Variants in ANKRD33B observed in about 807,000 individuals in gnomAD.
ANKRD33B encodes the protein ankyrin repeat domain 33B.
A neutral mutation model predicts 21.5 loss-of-function variants in ANKRD33B; 6 were observed. The observed-to-expected ratio is 0.28, with a 90% CI of 0.15 to 0.55. The LOEUF is 0.55. ANKRD33B is among the 20% of genes least tolerant of loss of function. ANKRD33B has a pLI of 0.94. For synonymous variants in ANKRD33B, 347 were observed against 342.4 expected (o/e 1.01, Z -0.15); for missense variants, 698 against 747.2 (o/e 0.93, Z 0.77).
chr5:10,611,358 T>C lies in ANKRD33B; in HGVS notation c.367-6975T>C, dbSNP rs148539689. 1.1e-4 allele frequency among the ~76,000 whole-genome samples: 17 copies of C among 152,338 alleles called. No homozygotes were observed. The East Asian group carries it at 3.3e-3, about 29-fold the overall frequency. ...GACTTTTTCTCATAATAAACTCTGA[T>C]ACACACATACCAAAGGGCACTTGGA... On this transcript the variant is annotated intron_variant, in intron 1 of 3. Coordinates refer to ENST00000296657, the MANE Select transcript of ANKRD33B (RefSeq NM_001164440.2).
In ANKRD33B at chr5:10,564,616, G is replaced by A. The variant is rs1735004022; in HGVS notation, c.149G>A (p.Arg50His). ...FEDFSSLPDT[R>H]SIASDDSFYP... ...GACTTCTCGAGTCTGCCAGACACCC[G>A]CAGCATCGCCTCGGACGACTCTTTC... is the stretch of plus-strand genomic sequence containing the variant. The change falls in exon 1 of 4, where the codon CGC becomes CAC. Residue 50 changes from arginine (R) to histidine (H), a missense_variant. Arg to His is a conservative substitution (Grantham distance 29, BLOSUM62 0). Coordinates refer to ENST00000296657, the MANE Select transcript of ANKRD33B (RefSeq NM_001164440.2). 2.6e-6 allele frequency: 4 copies of A among 1,534,986 alleles called. No individual in the cohort carries two copies. The highest frequency in any genetic ancestry group is 2.6e-6 in the Non-Finnish European group (3 of 1,146,660).
chr5:10,649,393 C>G lies in ANKRD33B; in HGVS notation c.765C>G (p.Phe255Leu). The change falls in exon 4 of 4, where the codon TTC becomes TTG. Residue 255 changes from phenylalanine (F) to leucine (L), a missense_variant. Physicochemically the swap from Phe to Leu is conservative, Grantham distance 22. Coordinates refer to ENST00000296657, the MANE Select transcript of ANKRD33B (RefSeq NM_001164440.2). ...TGGAGCGCCCCTGCCCGGAGCAGTT[C>G]TGGGAGAAGTACCGGCCCGAGCTGC... ...RLLERPCPEQFWEKYRPELPP... is the reference protein window; with the variant it reads ...RLLERPCPEQLWEKYRPELPP... The G allele has an allele frequency of 1.3e-6, 2 of 1,535,558 alleles. No homozygotes were observed. The highest frequency in any genetic ancestry group is 1.7e-6 in the Non-Finnish European group (2 of 1,146,672).
intron 2 of ANKRD33B, among the ~76,000 whole-genome samples, chr5:10,631,596 C>T (rs1448844325): frequency 6.6e-6 from 1 of 152,322 alleles, no homozygotes; most frequent in African/African-American, 2.4e-5. Flanking sequence ...GGCAGAAGAA[C>T]AAGACAGAAG....
chr5:10,636,814 C>T (rs1258090222), intron 2 of ANKRD33B, among the ~76,000 whole-genome samples: 1 of 152,182 alleles, frequency 6.6e-6, no homozygotes. Flanking sequence ...TGGTTGGTCA[C>T]GAAGGAGTGA....
chr5:10,607,163 G>GCA lies in ANKRD33B; in HGVS notation c.367-11158_367-11157dup, dbSNP rs200583124. Among the ~76,000 whole-genome samples the GCA allele has an allele frequency of 3.6e-4, 55 of 152,070 alleles. No homozygotes were observed. The East Asian group carries it at 9.1e-3, about 25-fold the overall frequency. ...TAGATGATGTATGCTACTGTTACACGCACACACACACACTCAGAATAGACT... is the reference window on the plus strand; with the variant it reads ...TAGATGATGTATGCTACTGTTACACGCACACACACACACACTCAGAATAGACT... On this transcript the variant is annotated intron_variant, in intron 1 of 3. Coordinates refer to ENST00000296657, the MANE Select transcript of ANKRD33B (RefSeq NM_001164440.2).
intron 1 of ANKRD33B, among the ~76,000 whole-genome samples, chr5:10,584,299 A>G (rs2126555160): frequency 6.6e-6 from 1 of 152,278 alleles, no homozygotes. Context: ...TAATCCCAGA[A>G]CTTCGGGAGG....
At chr5:10,634,476 T>TTTTTTTTTTTTTTTTTTTTTTTTTTTTC (rs1736808177) in intron 2 of ANKRD33B, among the ~76,000 whole-genome samples, 1 of 151,488 alleles carries the variant, frequency 6.6e-6, no homozygotes, top group African/African-American at 2.4e-5. Context: ...TTTTTTTTTT[T>TTTTTTTTTTTTTTTTTTTTTTTTTTTTC]TGAGACAGGG....
intron 2 of ANKRD33B, among the ~76,000 whole-genome samples, chr5:10,630,952 C>T (rs1041438764): frequency 1.3e-5 from 2 of 152,172 alleles, no homozygotes; most frequent in Non-Finnish European, 2.9e-5. Flanking sequence ...CCTGTCTCCT[C>T]GATTCTTCTA....
chr5:10,564,425 C>T lies in ANKRD33B; in HGVS notation c.-43C>T, dbSNP rs1360593109. On this transcript the variant is annotated 5_prime_UTR_variant, in exon 1 of 4. Transcript: ENST00000296657. ...GGCGCGCGCCCCGCGTCCCGCTCTT[C>T]CTGCCCGCGCCCCGGCCCCCGGCCC... The T allele has an allele frequency of 4.8e-6, 5 of 1,037,552 alleles. No homozygotes were observed. The highest frequency in any genetic ancestry group is 5.8e-6 in the Non-Finnish European group (5 of 865,340). The allele number at this position is 1,037,552 out of a possible 1,614,324, so 64.3% of individuals were successfully genotyped here. A position where few individuals can be genotyped will look rare whatever the true frequency, so the allele number is the denominator to read the frequency against.
chr5:10,605,115 C>G (rs924069470), intron 1 of ANKRD33B, among the ~76,000 whole-genome samples: 4 of 152,196 alleles, frequency 2.6e-5, no homozygotes, highest in Non-Finnish European at 5.9e-5. Context: ...GGCCTCAGTT[C>G]CTCTCCCTGT....
intron 1 of ANKRD33B, among the ~76,000 whole-genome samples, chr5:10,617,140 T>C (rs1045240690): frequency 3.9e-5 from 6 of 152,214 alleles, no homozygotes; most frequent in African/African-American, 1.4e-4. Context: ...CCCCACTTCC[T>C]GCGCCATTCC....
chr5:10,607,342 A>G (rs1381839446), intron 1 of ANKRD33B, among the ~76,000 whole-genome samples: 1 of 152,194 alleles, frequency 6.6e-6, no homozygotes, highest in Non-Finnish European at 1.5e-5. Flanking sequence ...GAGCAGTTGC[A>G]TCTCTGAGCT....
chr5:10,640,698 C>A (rs1737028555), intron 3 of ANKRD33B, among the ~76,000 whole-genome samples: 1 of 152,228 alleles, frequency 6.6e-6, no homozygotes, highest in South Asian at 2.1e-4. Context: ...TCCTGCTTGG[C>A]GCTGCAAGTT....
intron 1 of ANKRD33B, among the ~76,000 whole-genome samples, chr5:10,574,155 C>T (rs188197402): frequency 2.6e-4 from 40 of 152,384 alleles, no homozygotes; most frequent in Middle Eastern, 6.8e-3. Flanking sequence ...AGAAGATATC[C>T]ACCTTTTGTG....
intron 2 of ANKRD33B, among the ~76,000 whole-genome samples, chr5:10,624,336 G>A (rs1307894595): frequency 6.6e-6 from 1 of 152,100 alleles, no homozygotes; most frequent in African/African-American, 2.4e-5. Flanking sequence ...CACCATGTAG[G>A]CCAGACTGGT....
chr5:10,567,072 C>G (rs1275144257), intron 1 of ANKRD33B, among the ~76,000 whole-genome samples: 1 of 152,172 alleles, frequency 6.6e-6, no homozygotes, highest in Non-Finnish European at 1.5e-5. Flanking sequence ...CTCTGTGTCA[C>G]GTAAAATAAT....
rs1316054741 is a variant in ANKRD33B at position 10,649,611 on chromosome 5, G to A, written c.983G>A (p.Cys328Tyr). ...GTGGCCATCGTGTGCCAGACCGTGT[G>A]CCCTGAGAGCCCTCCGAGCGTGGGG... ...PAVAIVCQTV[C>Y]PESPPSVGKR... The change falls in exon 4 of 4, where the codon TGC becomes TAC. Residue 328 changes from cysteine to tyrosine, a missense_variant. Physicochemically the swap from Cys to Tyr is radical, Grantham distance 194. Transcript: ENST00000296657. 2.6e-6 allele frequency: 4 copies of A among 1,530,916 alleles called. No homozygotes were observed. The highest frequency in any genetic ancestry group is 2.3e-4 in the Middle Eastern group (1 of 4,420). The allele number at this position is 1,530,916 out of a possible 1,614,324, so 94.8% of individuals were successfully genotyped here. A position where few individuals can be genotyped will look rare whatever the true frequency, so the allele number is the denominator to read the frequency against.
chr5:10,615,881 C>T (rs1041926196), intron 1 of ANKRD33B, among the ~76,000 whole-genome samples: 3 of 152,178 alleles, frequency 2.0e-5, no homozygotes, highest in African/African-American at 7.2e-5. Context: ...GGTAGGTTAG[C>T]TGGGAGAATG....
rs879308617 is a variant in ANKRD33B at position 10,652,309 on chromosome 5, C to T, written c.*2196C>T. 1.3e-5 allele frequency: 2 copies of T among 152,536 alleles called. No homozygotes were observed. The highest frequency in any genetic ancestry group is 6.5e-5 in the Admixed American group (1 of 15,302). 9.4% of individuals were successfully genotyped at this position (152,536 alleles called of 1,614,324 possible). ...AAGCCCTGGGAGCGCCCTAAAGCTC[C>T]GCAGGTAACTGCACTGCAGCCCGCA... On this transcript the variant is annotated 3_prime_UTR_variant, in exon 4 of 4. Transcript: ENST00000296657. This position sits in a 1 kb window ranked among gnomAD's most constrained non-coding sequence, Gnocchi z 4.1.
Sources: gnomAD v4.1 joint callset for allele counts (sites outside exome capture counted in the v4.1 genomes callset) on GRCh38, gnomAD v4.1.1 for gene constraint, Gnocchi (gnomAD v3.1) non-coding constraint, MANE v1.5 for transcripts, NCBI Gene and HGNC (gene_info 2026-07-23, HGNC 2026-07-21) for gene names.